Variants in MOGAT1 observed in about 807,000 individuals in gnomAD.
MOGAT1 encodes 2-acylglycerol O-acyltransferase 1.
MOGAT1 carries 32 observed loss-of-function variants against 31.4 expected under a neutral mutation model. That is an observed-to-expected ratio of 1.02 (90% confidence interval 0.77 to 1.37). MOGAT1 has a LOEUF of 1.37. Among genes scored for constraint, MOGAT1 ranks in the 40% most tolerant of loss-of-function variants. MOGAT1 has a pLI of 0.00. For synonymous variants in MOGAT1, 145 were observed against 144.5 expected (o/e 1.00, Z -0.03); for missense variants, 426 against 402.0 (o/e 1.06, Z -0.51).
intron 5 of MOGAT1, among the ~76,000 whole-genome samples, chr2:222,701,596 A>AAGGGAGGG (rs71056503): frequency 5.2e-4 from 72 of 139,080 alleles, no homozygotes; most frequent in African/African-American, 1.6e-3. Context: ...GAAAGAAAGA[A>AAGGGAGGG]AGGGAGGGAG....
intron 3 of MOGAT1, among the ~76,000 whole-genome samples, chr2:222,693,015 G>C (rs1574974340): frequency 6.6e-6 from 1 of 152,234 alleles, no homozygotes; most frequent in African/African-American, 2.4e-5. Context: ...GAGGGCAGTT[G>C]GTCATTCAGA....
intron 5 of MOGAT1, among the ~76,000 whole-genome samples, chr2:222,701,412 G>A (rs6750129): frequency 1.6e-4 from 22 of 136,744 alleles, no homozygotes; most frequent in South Asian, 7.0e-4. Flanking sequence ...GAGAGAGAGA[G>A]AAAAATAAAG....
chr2:222,685,696 G>A (rs1197186495), intron 1 of MOGAT1, among the ~76,000 whole-genome samples: 1 of 150,144 alleles, frequency 6.7e-6, no homozygotes, highest in Non-Finnish European at 1.5e-5. Context: ...CGTCTCTTGG[G>A]TTTAAGCGAT....
At chr2:222,697,930 G>T (rs1283052755) in intron 5 of MOGAT1, among the ~76,000 whole-genome samples, 2 of 151,936 alleles carry the variant, frequency 1.3e-5, no homozygotes, top group Non-Finnish European at 2.9e-5. Flanking sequence ...TTGTAACAAG[G>T]TTCAGAGGGT....
intron 3 of MOGAT1, 44 bp from the exon 4 acceptor site, chr2:222,694,318 T>C: frequency 5.4e-6 from 8 of 1,489,976 alleles, no homozygotes; most frequent in Non-Finnish European, 7.3e-6. Flanking sequence ...ATTGTAATAT[T>C]GTTAGAAAAG....
At chr2:222,706,495 C>T (rs989787904) in intron 5 of MOGAT1, among the ~76,000 whole-genome samples, 3 of 124,696 alleles carry the variant, frequency 2.4e-5, no homozygotes, top group African/African-American at 9.1e-5. Flanking sequence ...AAATTCATTC[C>T]ATATGTGAGC....
intron 5 of MOGAT1, among the ~76,000 whole-genome samples, chr2:222,704,833 G>A (rs1391625644): frequency 3.9e-5 from 6 of 152,054 alleles, no homozygotes; most frequent in Admixed American, 3.3e-4. Flanking sequence ...TTTGATGCAG[G>A]CTGAGACCCC....
chr2:222,692,273 A>G (rs1692774400), intron 3 of MOGAT1, among the ~76,000 whole-genome samples: 1 of 152,240 alleles, frequency 6.6e-6, no homozygotes, highest in Non-Finnish European at 1.5e-5. Flanking sequence ...AATATCAAAA[A>G]TATTTGATAC....
chr2:222,701,596 A>AAGAAAGGGAGGGAGGG (rs1692930362), intron 5 of MOGAT1, among the ~76,000 whole-genome samples: 2 of 138,978 alleles, frequency 1.4e-5, no homozygotes, highest in African/African-American at 5.6e-5. Context: ...GAAAGAAAGA[A>AAGAAAGGGAGGGAGGG]AGGGAGGGAG....
At chr2:222,685,062 A>G (rs2106034824) in intron 1 of MOGAT1, among the ~76,000 whole-genome samples, 1 of 152,310 alleles carries the variant, frequency 6.6e-6, no homozygotes, top group South Asian at 2.1e-4. Context: ...CCAAACAGCT[A>G]ATGTGAAATA....
At chr2:222,700,509 A>G (rs2106042976) in intron 5 of MOGAT1, among the ~76,000 whole-genome samples, 1 of 152,332 alleles carries the variant, frequency 6.6e-6, no homozygotes, top group Middle Eastern at 3.4e-3. Context: ...TATCATCCTC[A>G]ATATCCCGTT....
At chr2:222,676,505 A>G (rs138858695) in intron 1 of MOGAT1, among the ~76,000 whole-genome samples, 138 of 152,328 alleles carry the variant, frequency 9.1e-4, no homozygotes, top group African/African-American at 3.2e-3. Context: ...CCATCTATTG[A>G]TGAATATTTG....
chr2:222,689,030 G>T (rs1387418903), intron 2 of MOGAT1, among the ~76,000 whole-genome samples: 3 of 152,150 alleles, frequency 2.0e-5, no homozygotes, highest in African/African-American at 4.8e-5. Flanking sequence ...GCTGCAATTT[G>T]GTTCCAATTA....
intron 3 of MOGAT1, among the ~76,000 whole-genome samples, chr2:222,692,249 C>A (rs1033061234): frequency 6.6e-6 from 1 of 152,152 alleles, no homozygotes; most frequent in Non-Finnish European, 1.5e-5. Context: ...ACTGGAGATA[C>A]AGAAGAGGAG....
At chr2:222,695,963 T>C (rs1692831558) in intron 5 of MOGAT1, among the ~76,000 whole-genome samples, 1 of 152,202 alleles carries the variant, frequency 6.6e-6, no homozygotes, top group Admixed American at 6.5e-5. Flanking sequence ...TCATTCTTAA[T>C]GCCTTTGTGT....
chr2:222,682,603 G>C (rs908329191), intron 1 of MOGAT1, among the ~76,000 whole-genome samples: 2 of 152,134 alleles, frequency 1.3e-5, no homozygotes, highest in East Asian at 3.9e-4. Flanking sequence ...AGCCTTACTT[G>C]TTTCAAACAT....
chr2:222,691,000 T>C (rs1236393103), intron 3 of MOGAT1, among the ~76,000 whole-genome samples: 2 of 152,170 alleles, frequency 1.3e-5, no homozygotes, highest in Non-Finnish European at 2.9e-5. Flanking sequence ...GTTTGAGTCG[T>C]ATAGTTAAGA....
intron 2 of MOGAT1, 74 bp from the exon 3 acceptor site, chr2:222,689,191 G>A: frequency 7.8e-7 from 1 of 1,280,180 alleles, no homozygotes; most frequent in Non-Finnish European, 1.1e-6. Context: ...ATAAAAACTA[G>A]TCCTTTTGTT....
chr2:222,674,344 A>C (rs1293692113), intron 1 of MOGAT1, among the ~76,000 whole-genome samples: 1 of 152,262 alleles, frequency 6.6e-6, no homozygotes, highest in Non-Finnish European at 1.5e-5. Flanking sequence ...TAGAGAGAAG[A>C]GTATGAATTC....
Sources: gnomAD v4.1 joint callset for allele counts (sites outside exome capture counted in the v4.1 genomes callset) on GRCh38, gnomAD v4.1.1 for gene constraint, MANE v1.5 for transcripts, NCBI Gene and HGNC (gene_info 2026-07-23, HGNC 2026-07-21) for gene names.